Variants in COL5A2 observed in about 807,000 individuals in gnomAD.
COL5A2 encodes the protein collagen type V alpha 2 chain, also known as collagen alpha-2(V) chain.
Under a neutral mutation model 208.2 loss-of-function variants are expected in COL5A2, and 23 were observed. That is an observed-to-expected ratio of 0.11 (90% confidence interval 0.08 to 0.16). The LOEUF (loss-of-function observed/expected upper bound fraction) is 0.16, where lower values mean the gene tolerates loss of function less well. Ranked by LOEUF, COL5A2 falls within the 10% of genes least tolerant of loss-of-function variation. The pLI is 1.00. For missense variants in COL5A2, 1,590 were observed against 1,956.4 expected, an observed-to-expected ratio of 0.81 and a Z score of 3.53; for synonymous variants, 625 against 628.5, an observed-to-expected ratio of 0.99 and a Z score of 0.08.
chr2:189,088,945 G>T (rs535069518), intron 7 of COL5A2, among the ~76,000 whole-genome samples, 173 bp from the exon 8 acceptor site: 20 of 152,238 alleles, frequency 1.3e-4, no homozygotes, highest in Middle Eastern at 3.4e-3. Flanking sequence ...TTGATTGTTT[G>T]TGCTTTTTAT....
At chr2:189,261,861 T>C in the COL5A2 span, among the ~76,000 whole-genome samples, 13 of 152,222 alleles carry the variant, frequency 8.5e-5, no homozygotes, top group East Asian at 1.2e-3. Context: ...AAACAGACCA[T>C]CTAAAAGGTA....
the COL5A2 span, among the ~76,000 whole-genome samples, chr2:189,373,209 A>T: frequency 6.6e-6 from 1 of 152,158 alleles, no homozygotes; most frequent in Non-Finnish European, 1.5e-5. Context: ...CAGCAGGGAA[A>T]ATATGACTCT....
In COL5A2 at chr2:189,033,479, GT is replaced by G. The variant is rs200554257; in HGVS notation, c.*590del. 3.7e-3 allele frequency: 518 copies of G among 140,188 alleles called. 3 individuals are homozygous for G. The highest frequency in any genetic ancestry group is 7.3e-3 in the African/African-American group (278 of 38,196). The allele number at this position is 140,188 out of a possible 1,614,324, so 8.7% of individuals were successfully genotyped here. A position where few individuals can be genotyped will look rare whatever the true frequency, so the allele number is the denominator to read the frequency against. ...AATTCTATTTAAGACAGTGAGAAACGTTTTTTTTTTTTTAAGATTCTCCTTA... is the reference window on the plus strand; with the variant it reads ...AATTCTATTTAAGACAGTGAGAAACGTTTTTTTTTTTTAAGATTCTCCTTA... On this transcript the variant is annotated 3_prime_UTR_variant, in exon 54 of 54. Transcript: ENST00000374866.
chr2:189,052,791 A>G lies in COL5A2; in HGVS notation c.2673T>C (p.Gly891=). Residue 891 remains glycine (G), a synonymous_variant, in exon 40 of 54, where the codon GGT becomes GGC. Coordinates refer to ENST00000374866, the MANE Select transcript of COL5A2 (RefSeq NM_000393.5). ...CTCGACCACCTTTTAGTCCAGGAAC[A>G]CCATTAGGACCCTGAATAGAAACAA... is the stretch of plus-strand genomic sequence containing the variant. ...AGSPGPHGPN[G]VPGLKGGRGT... is the part of the protein sequence containing the mutation. 1 of 1,614,192 alleles carries G rather than the reference A, an allele frequency of 6.2e-7. No individual in the cohort carries two copies. The highest frequency in any genetic ancestry group is 8.5e-7 in the Non-Finnish European group (1 of 1,180,008).
At chr2:189,259,005 T>C in the COL5A2 span, among the ~76,000 whole-genome samples, 2 of 152,228 alleles carry the variant, frequency 1.3e-5, no homozygotes, top group African/African-American at 4.8e-5. Flanking sequence ...CCAGTTCTGA[T>C]ATTCTCGTCT....
chr2:189,153,199 G>A (rs1688178951), intron 1 of COL5A2, among the ~76,000 whole-genome samples: 1 of 152,166 alleles, frequency 6.6e-6, no homozygotes, highest in Non-Finnish European at 1.5e-5. Context: ...TTCTGAAAAT[G>A]TATTTTTCCT....
At chr2:189,146,430 A>G (rs4667265) in intron 1 of COL5A2, among the ~76,000 whole-genome samples, 90,062 of 151,904 alleles carry the variant, frequency 0.59, 28,184 homozygotes, top group East Asian at 0.78. Context: ...ACATTGGAGT[A>G]CAAGAATACA....
At chr2:189,417,368 T>G in the COL5A2 span, among the ~76,000 whole-genome samples, 1 of 152,148 alleles carries the variant, frequency 6.6e-6, no homozygotes, top group African/African-American at 2.4e-5. Context: ...TAATGATAAT[T>G]TGTCTCTTTC....
At position 189,050,607 on chromosome 2, in the gene COL5A2, G is replaced by A. The variant is rs863223507; in HGVS notation, c.3001C>T (p.Arg1001Cys). 1.9e-6 allele frequency: 3 copies of A among 1,552,186 alleles called. No homozygotes were observed. The highest frequency in any genetic ancestry group is 2.6e-6 in the Non-Finnish European group (3 of 1,147,276). ...QRGIVGMPGQ[R>C]GERGMPGLPG... ...AGGCCGGGCATGCCTCTCTCTCCAC[G>A]TTGCCCAGGCATGCCAACAATTCCT... is the stretch of plus-strand genomic sequence containing the variant. The change falls in exon 43 of 54, where the codon CGT becomes TGT. Residue 1001 changes from arginine (R) to cysteine (C), a missense_variant. Physicochemically the swap from Arg to Cys is radical, Grantham distance 180. Coordinates refer to ENST00000374866, the MANE Select transcript of COL5A2 (RefSeq NM_000393.5).
the COL5A2 span, among the ~76,000 whole-genome samples, chr2:189,411,111 A>G: frequency 6.6e-6 from 1 of 152,080 alleles, no homozygotes; most frequent in Non-Finnish European, 1.5e-5. Flanking sequence ...CCTGGAAAAT[A>G]CCTTCCATTT....
chr2:189,035,602 A>G (rs1685429008), intron 52 of COL5A2, among the ~76,000 whole-genome samples: 2 of 151,764 alleles, frequency 1.3e-5, no homozygotes, highest in African/African-American at 4.8e-5. Context: ...TTTTCTAGAG[A>G]CTCTTTCCTA....
Position 189,080,857 on chromosome 2 carries a change from C to T in COL5A2, c.906+133G>A, listed in dbSNP as rs778462830. On this transcript the variant is annotated intron_variant, in intron 13 of 53. Transcript: ENST00000374866. ...TAAAAAATTGTGATTTCAGTAACCA[C>T]AGATGAATACTGCAACCATAGACAG... 2.8e-3 allele frequency: 2,077 copies of T among 754,566 alleles called. 16 individuals are homozygous for T. The highest frequency in any genetic ancestry group is 3.7e-3 in the Non-Finnish European group (1,542 of 421,894). 46.7% of individuals were successfully genotyped at this position (754,566 alleles called of 1,614,324 possible). A position where few individuals can be genotyped will look rare whatever the true frequency, so the allele number is the denominator to read the frequency against.
At chr2:189,191,521 G>C (rs1688929282) in intron 1 of COL5A2, among the ~76,000 whole-genome samples, 1 of 151,968 alleles carries the variant, frequency 6.6e-6, no homozygotes, top group South Asian at 2.1e-4. Flanking sequence ...GGCACCAGTA[G>C]TCCCAGCTAC....
chr2:189,188,651 C>T (rs1040573973), intron 1 of COL5A2, among the ~76,000 whole-genome samples: 1 of 152,126 alleles, frequency 6.6e-6, no homozygotes, highest in Non-Finnish European at 1.5e-5. Flanking sequence ...TGTCCAGAAA[C>T]GCAATGGCAC....
At chr2:189,232,188 T>G in the COL5A2 span, among the ~76,000 whole-genome samples, 1 of 151,778 alleles carries the variant, frequency 6.6e-6, no homozygotes, top group African/African-American at 2.4e-5. Context: ...TCTGGGCACT[T>G]CGTAAACCTT....
the COL5A2 span, among the ~76,000 whole-genome samples, chr2:189,308,039 TGTGAGA>T: frequency 1.3e-5 from 2 of 152,192 alleles, no homozygotes; most frequent in African/African-American, 4.8e-5. Context: ...TTCTTTCTTG[TGTGAGA>T]TCCAAGAACT....
chr2:189,104,332 T>C lies in COL5A2; in HGVS notation c.323-55A>G, dbSNP rs1687109271. On this transcript the variant is annotated intron_variant, in intron 2 of 53. Coordinates refer to ENST00000374866, the MANE Select transcript of COL5A2 (RefSeq NM_000393.5). ...TTTATGAGGAAACAATTATTGAGAA[T>C]CTGCTAAATATTTACTTTCAATAAT... 4.3e-6 allele frequency: 5 copies of C among 1,165,238 alleles called. No homozygotes were observed. The Admixed American group carries it at 6.8e-5, about 16-fold the overall frequency. 72.2% of individuals were successfully genotyped at this position (1,165,238 alleles called of 1,614,324 possible).
intron 2 of COL5A2, among the ~76,000 whole-genome samples, chr2:189,104,802 A>G (rs997189201): frequency 6.6e-6 from 1 of 151,806 alleles, no homozygotes; most frequent in Admixed American, 6.6e-5. Flanking sequence ...TAAGAAAATT[A>G]TTACAGACTC....
the COL5A2 span, among the ~76,000 whole-genome samples, chr2:189,410,513 C>T: frequency 1.3e-5 from 2 of 152,176 alleles, no homozygotes; most frequent in East Asian, 3.9e-4. Context: ...CTGCAATGAG[C>T]TATGATCACA....
Sources: gnomAD v4.1 joint callset for allele counts (sites outside exome capture counted in the v4.1 genomes callset) on GRCh38, gnomAD v4.1.1 for gene constraint, MANE v1.5 for transcripts, NCBI Gene and HGNC (gene_info 2026-07-23, HGNC 2026-07-21) for gene names.